The following MGAT4C variants were observed in gnomAD, a reference collection of about 807,000 sequenced individuals.
The protein encoded by MGAT4C is MGAT4 family member C.
In MGAT4C, 19 loss-of-function variants were observed where a neutral mutation model predicts 40.1. That is an observed-to-expected ratio of 0.47 (90% CI 0.33 to 0.70). The LOEUF (loss-of-function observed/expected upper bound fraction) is 0.70, where lower values mean the gene tolerates loss of function less well. MGAT4C is among the 30% of genes least tolerant of loss of function. MGAT4C has a pLI of 0.02. For synonymous variants in MGAT4C, 181 were observed against 187.1 expected (o/e 0.97, Z 0.27); for missense variants, 491 against 563.2 (o/e 0.87, Z 1.30).
intron 1 of MGAT4C, among the ~76,000 whole-genome samples, chr12:86,798,400 G>A (rs1565997055): frequency 6.6e-6 from 1 of 151,770 alleles, no homozygotes; most frequent in Non-Finnish European, 1.5e-5. Context: ...ATATCTGGAC[G>A]AGTGTTACTA....
intron 2 of MGAT4C, among the ~76,000 whole-genome samples, chr12:86,479,379 A>G (rs1957895739): frequency 6.6e-6 from 1 of 151,992 alleles, no homozygotes; most frequent in Admixed American, 6.6e-5. Context: ...GGTTTAAAGT[A>G]TAGTCATGAT....
chr12:86,226,179 A>G (rs539745172), intron 1 of MGAT4C, among the ~76,000 whole-genome samples: 1 of 152,116 alleles, frequency 6.6e-6, no homozygotes, highest in African/African-American at 2.4e-5. Flanking sequence ...CTATAATATA[A>G]TAAGTGATAG....
chr12:86,112,764 C>G (rs1566000124), intron 1 of MGAT4C, among the ~76,000 whole-genome samples: 1 of 151,536 alleles, frequency 6.6e-6, no homozygotes, highest in East Asian at 1.9e-4. Context: ...TAGGAGGAAA[C>G]AGAGTGAGTA....
chr12:86,826,372 T>C (rs1158984994), intron 1 of MGAT4C, among the ~76,000 whole-genome samples: 2 of 151,400 alleles, frequency 1.3e-5, no homozygotes, highest in Non-Finnish European at 3.0e-5. Flanking sequence ...GATTAGGTTA[T>C]AAAAACTGGC....
chr12:86,193,154 CTTTA>C (rs1185186551), intron 1 of MGAT4C, among the ~76,000 whole-genome samples: 1 of 151,790 alleles, frequency 6.6e-6, no homozygotes, highest in Non-Finnish European at 1.5e-5. Context: ...AAATTTAACA[CTTTA>C]TTTTTTCATT....
intron 2 of MGAT4C, among the ~76,000 whole-genome samples, chr12:86,042,832 C>T (rs1258780630): frequency 7.0e-6 from 1 of 142,454 alleles, no homozygotes; most frequent in African/African-American, 2.6e-5. Context: ...CATGCCACTG[C>T]ACTCCAGCCT....
intron 1 of MGAT4C, among the ~76,000 whole-genome samples, chr12:86,236,982 T>A (rs1951580246): frequency 6.6e-6 from 1 of 150,792 alleles, no homozygotes; most frequent in South Asian, 2.1e-4. Context: ...CAGCCTTTAA[T>A]ATATGATATA....
chr12:86,251,432 T>C (rs1165092791), intron 1 of MGAT4C, among the ~76,000 whole-genome samples: 1 of 152,044 alleles, frequency 6.6e-6, no homozygotes, highest in East Asian at 1.9e-4. Context: ...CACGCACTTA[T>C]TGCATATTCT....
chr12:86,229,883 C>T (rs1477439394), intron 1 of MGAT4C, among the ~76,000 whole-genome samples: 1 of 151,966 alleles, frequency 6.6e-6, no homozygotes, highest in Non-Finnish European at 1.5e-5. Context: ...ATGTAGATGT[C>T]CTTTCAGTAT....
chr12:86,553,905 T>G (rs1477950408), intron 2 of MGAT4C, among the ~76,000 whole-genome samples: 2 of 152,286 alleles, frequency 1.3e-5, no homozygotes, highest in East Asian at 1.9e-4. Flanking sequence ...TTTCCAGAAC[T>G]TCTTGGTCTC....
At chr12:86,086,100 T>C (rs950418909) in intron 1 of MGAT4C, among the ~76,000 whole-genome samples, 5 of 152,172 alleles carry the variant, frequency 3.3e-5, no homozygotes, top group East Asian at 1.9e-4. Flanking sequence ...AGTATGTTTA[T>C]TGCAGCACTA....
Position 86,814,534 on chromosome 12 carries a change from C to T in MGAT4C, c.-262+24132G>A, listed in dbSNP as rs188464362. Reference sequence around the variant, plus strand: ...ATGCTCTTATATTAATTCCAATTCTCTTACAATTACATTAATTCCAATTCT... The same window carrying T: ...ATGCTCTTATATTAATTCCAATTCTTTTACAATTACATTAATTCCAATTCT... On this transcript the variant is annotated intron_variant, in intron 1 of 7. Transcript: ENST00000548651. Among the ~76,000 whole-genome samples, 557 of 151,636 alleles carry T rather than the reference C, an allele frequency of 3.7e-3. 2 individuals are homozygous for T. The highest frequency in any genetic ancestry group is 0.013 in the African/African-American group (545 of 41,382).
At chr12:86,306,869 A>G (rs1342017246) in intron 4 of MGAT4C, among the ~76,000 whole-genome samples, 1 of 150,574 alleles carries the variant, frequency 6.6e-6, no homozygotes, top group East Asian at 1.9e-4. Flanking sequence ...GTATAGTACA[A>G]TGTAGCAAAA....
intron 2 of MGAT4C, among the ~76,000 whole-genome samples, chr12:86,636,271 T>A (rs1593067227): frequency 6.6e-6 from 1 of 152,178 alleles, no homozygotes; most frequent in Non-Finnish European, 1.5e-5. Flanking sequence ...TGGCTTGTGT[T>A]TTTGTAGAGT....
At chr12:86,046,994 T>C (rs2136956217) in intron 2 of MGAT4C, among the ~76,000 whole-genome samples, 1 of 152,284 alleles carries the variant, frequency 6.6e-6, no homozygotes, top group Admixed American at 6.5e-5. Flanking sequence ...AGGTAATCGG[T>C]TTATTCTTAG....
At chr12:86,562,650 T>C (rs933926216) in intron 2 of MGAT4C, among the ~76,000 whole-genome samples, 3 of 152,028 alleles carry the variant, frequency 2.0e-5, no homozygotes, top group Admixed American at 2.0e-4. Context: ...CTTCTAGACC[T>C]ATAACTAAAG....
At position 85,970,408 on chromosome 12, in the gene MGAT4C, T is replaced by G. The variant is rs1026982165; in HGVS notation, c.*8881A>C. The G allele has an allele frequency of 3.3e-5, 5 of 151,376 alleles. No individual in the cohort carries two copies. Among genetic ancestry groups the G allele is most frequent in the Non-Finnish European group, 7.4e-5 (5 of 67,420 alleles). The allele number at this position is 151,376 out of a possible 1,614,324, so 9.4% of individuals were successfully genotyped here. A position where few individuals can be genotyped will look rare whatever the true frequency, so the allele number is the denominator to read the frequency against. On this transcript the variant is annotated 3_prime_UTR_variant, in exon 5 of 5. Coordinates refer to ENST00000611864, the MANE Select transcript of MGAT4C (RefSeq NM_001351288.2). ...TGGTCTGGAAATACACCCTAAATTA[T>G]TGGGTCAAGTTAGTGAAAACTGTTA...
intron 1 of MGAT4C, among the ~76,000 whole-genome samples, chr12:86,833,034 T>G (rs1238054278): frequency 6.6e-6 from 1 of 151,922 alleles, no homozygotes; most frequent in Non-Finnish European, 1.5e-5. Context: ...GATTGTCGGA[T>G]GTACATTGGT....
intron 1 of MGAT4C, among the ~76,000 whole-genome samples, chr12:86,808,530 A>C (rs2136213032): frequency 6.6e-6 from 1 of 152,214 alleles, no homozygotes; most frequent in Non-Finnish European, 1.5e-5. Flanking sequence ...GACAAGAAAC[A>C]CATGGTTATT....
Sources: gnomAD v4.1 joint callset for allele counts (sites outside exome capture counted in the v4.1 genomes callset) on GRCh38, gnomAD v4.1.1 for gene constraint, MANE v1.5 for transcripts, NCBI Gene and HGNC (gene_info 2026-07-23, HGNC 2026-07-21) for gene names.